The following ZER1 variants were observed in gnomAD, a reference collection of about 807,000 sequenced individuals.
ZER1 encodes the protein protein zer-1 homolog.
ZER1 carries 11 observed loss-of-function variants against 78.8 expected under a neutral mutation model. The observed-to-expected ratio is 0.14, with a 90% CI of 0.09 to 0.23. The LOEUF is 0.23. Ranked by LOEUF, ZER1 falls within the 10% of genes least tolerant of loss-of-function variation. ZER1 has a pLI of 1.00. For missense variants in ZER1, 588 were observed against 996.9 expected (o/e 0.59, Z 5.52); for synonymous variants, 400 against 407.0 (o/e 0.98, Z 0.21).
Position 128,750,646 on chromosome 9 carries a change from C to G in ZER1, c.1329G>C (p.Leu443=), listed in dbSNP as rs953655284. ...CCTCCTGGTAGGATTCCATGCCATT[C>G]AGCACCACCTGGATAACCTGCCGGC... is the stretch of plus-strand genomic sequence containing the variant. ...KLRRQVIQVV[L]NGMESYQEVT... The change falls in exon 8 of 16, where the codon CTG becomes CTC. Residue 443 remains leucine, a synonymous_variant. Transcript: ENST00000291900. 1.4e-5 allele frequency: 23 copies of G among 1,614,206 alleles called. No homozygotes were observed. The highest frequency in any genetic ancestry group is 3.3e-4 in the Middle Eastern group (2 of 6,062).
intron 1 of ZER1, among the ~76,000 whole-genome samples, chr9:128,769,294 A>G (rs1564414299): frequency 6.6e-6 from 1 of 152,208 alleles, no homozygotes; most frequent in Non-Finnish European, 1.5e-5. Context: ...TCATCATCAC[A>G]TCATCCTCAT....
At chr9:128,748,504 G>A (rs1863572549) in intron 8 of ZER1, among the ~76,000 whole-genome samples, 1 of 152,044 alleles carries the variant, frequency 6.6e-6, no homozygotes, top group South Asian at 2.1e-4. Flanking sequence ...CTGAGAGGTG[G>A]AGGCCACAGT....
At position 128,735,316 on chromosome 9, in the gene ZER1, G is replaced by C; in HGVS notation, c.2140+18C>G. On this transcript the variant is annotated intron_variant, in intron 14 of 15. Coordinates refer to ENST00000291900, the MANE Select transcript of ZER1 (RefSeq NM_006336.4). ...TCAGCTGGATGAGTGTCTGAACCCA[G>C]GACAAGTTGGCACTCACGGTAGACA... The C allele has an allele frequency of 6.2e-7, 1 of 1,607,934 alleles. No individual in the cohort carries two copies. Among genetic ancestry groups the C allele is most frequent in the African/African-American group, 1.3e-5 (1 of 74,816 alleles).
At chr9:128,731,500 G>A (rs941776116) in intron 15 of ZER1, 106 bp from the exon 16 acceptor site, 2 of 905,988 alleles carry the variant, frequency 2.2e-6, no homozygotes, top group African/African-American at 3.3e-5. Context: ...TCATAGTGAT[G>A]GTGATGCTGA....
rs747464280 is a variant in ZER1 at position 128,735,366 on chromosome 9, G to A, written c.2108C>T (p.Thr703Ile). The A allele has an allele frequency of 1.9e-6, 3 of 1,614,100 alleles. No homozygotes were observed. The highest frequency in any genetic ancestry group is 2.2e-5 in the East Asian group (1 of 44,878). ...AGACACGAGGTTATACAGGGCCCAG[G>A]TTGCCCAGTGCTGGCTGACAGGAGA... ...GISPVSQHWATWALYNLVSVY... is the reference protein window; with the variant it reads ...GISPVSQHWAIWALYNLVSVY... The change falls in exon 14 of 16, where the codon ACC (threonine) becomes ATC (isoleucine). Residue 703 changes from threonine to isoleucine, a missense_variant. Thr to Ile is a moderately conservative substitution (Grantham distance 89). This residue lies in a region of ZER1 where 122 missense variants were observed against 173.5 expected (regional missense o/e 0.70). Transcript: ENST00000291900.
At chr9:128,744,703 T>G (rs1863427260) in intron 8 of ZER1, among the ~76,000 whole-genome samples, 1 of 149,900 alleles carries the variant, frequency 6.7e-6, no homozygotes, top group Admixed American at 6.6e-5. Flanking sequence ...GGTCTGGAAC[T>G]CCTGACCTCA....
intron 11 of ZER1, 135 bp downstream of exon 11, chr9:128,741,400 G>C: frequency 7.4e-7 from 1 of 1,357,976 alleles, no homozygotes; most frequent in Non-Finnish European, 1.0e-6. Flanking sequence ...GGGTGGGCCT[G>C]AGTCTGTCCC....
chr9:128,738,472 G>T (rs958500431), intron 13 of ZER1, among the ~76,000 whole-genome samples: 3 of 148,126 alleles, frequency 2.0e-5, no homozygotes, highest in Non-Finnish European at 4.4e-5. Context: ...TGCAAGCTCC[G>T]CCTCCCAGGT....
chr9:128,753,257 G>A lies in ZER1; in HGVS notation c.653C>T (p.Thr218Ile), dbSNP rs1486467735. Residue 218 changes from threonine (T) to isoleucine (I), a missense_variant, in exon 4 of 16, where the codon ACC (threonine) becomes ATC (isoleucine). Thr to Ile is a moderately conservative substitution (Grantham distance 89). This residue lies in a region of ZER1 where 406 missense variants were observed against 660.1 expected (regional missense o/e 0.62). Coordinates refer to ENST00000291900, the MANE Select transcript of ZER1 (RefSeq NM_006336.4). The surrounding 1 kb of genome is among the most constrained non-coding windows in gnomAD (Gnocchi z 7.5). ...GGACACCAGGCTGTCTTTCCACTGG[G>A]TGAGGAAGGCGGCGTCGCTCGTCTG... Reference protein sequence around the residue: ...GIQTSDAAFLTQWKDSLVSLV... With the variant: ...GIQTSDAAFLIQWKDSLVSLV... The A allele has an allele frequency of 1.9e-6, 3 of 1,600,680 alleles. No individual in the cohort carries two copies. The highest frequency in any genetic ancestry group is 1.7e-5 in the Admixed American group (1 of 57,760).
chr9:128,766,589 T>C (rs779449067), intron 1 of ZER1, among the ~76,000 whole-genome samples: 8 of 151,992 alleles, frequency 5.3e-5, no homozygotes, highest in Non-Finnish European at 1.0e-4. Flanking sequence ...CCTACGCCTG[T>C]AATCCCAGCA....
rs1589532691 is a variant in ZER1, at chr9:128,751,342, A to G, written c.1038+71T>C. 4.3e-6 allele frequency: 7 copies of G among 1,610,368 alleles called. No homozygotes were observed. The East Asian group carries it at 1.3e-4, about 31-fold the overall frequency. On this transcript the variant is annotated intron_variant, in intron 6 of 15. Coordinates refer to ENST00000291900, the MANE Select transcript of ZER1 (RefSeq NM_006336.4). The surrounding 1 kb of genome is among the most constrained non-coding windows in gnomAD (Gnocchi z 5.4). ...GATGCCAGATCCCAGCTCAGTCTCC[A>G]GCCCCAGAATCCAGCTCCTTCTCTC...
In ZER1 at chr9:128,753,019, G is replaced by A; in HGVS notation, c.746+145C>T. On this transcript the variant is annotated intron_variant, in intron 4 of 15. Coordinates refer to ENST00000291900, the MANE Select transcript of ZER1 (RefSeq NM_006336.4). The surrounding 1 kb of genome is among the most constrained non-coding windows in gnomAD (Gnocchi z 7.5). The stretch of plus-strand genomic sequence containing the variant: ...AGCCCCAATCCAGCTGAAACACTGG[G>A]TTTAAGGAATGGGACTGTGTCTTCA... 2 of 1,204,300 alleles carry A rather than the reference G, an allele frequency of 1.7e-6. No individual in the cohort carries two copies. The highest frequency in any genetic ancestry group is 2.3e-6 in the Non-Finnish European group (2 of 878,898). The allele number at this position is 1,204,300 out of a possible 1,614,324, so 74.6% of individuals were successfully genotyped here. A position where few individuals can be genotyped will look rare whatever the true frequency, so the allele number is the denominator to read the frequency against.
chr9:128,745,199 G>GTTTTT (rs570009551), intron 8 of ZER1, among the ~76,000 whole-genome samples: 1 of 128,504 alleles, frequency 7.8e-6, no homozygotes, highest in African/African-American at 3.0e-5. Flanking sequence ...ATTTGTTTGG[G>GTTTTT]TTTTTTTTTT....
At chr9:128,743,317 T>C (rs1255874525) in intron 8 of ZER1, among the ~76,000 whole-genome samples, 2 of 152,172 alleles carry the variant, frequency 1.3e-5, no homozygotes, top group Non-Finnish European at 2.9e-5. Flanking sequence ...GGTTTCCCCA[T>C]GTTGGCCAGG....
chr9:128,765,051 C>T (rs550617718), intron 1 of ZER1, among the ~76,000 whole-genome samples: 53 of 152,328 alleles, frequency 3.5e-4, no homozygotes, highest in African/African-American at 1.3e-3. Flanking sequence ...TTTACTCCCT[C>T]GAGTCTCTTA....
intron 15 of ZER1, 133 bp downstream of exon 15, chr9:128,733,293 A>T (rs1467834997): frequency 3.0e-6 from 2 of 677,006 alleles, no homozygotes; most frequent in Non-Finnish European, 5.1e-6. Context: ...ACATCAATAC[A>T]CTGTCAACCT....
At chr9:128,745,718 A>G (rs1161651630) in intron 8 of ZER1, 1 of 152,118 alleles carries the variant, frequency 6.6e-6, no homozygotes, top group African/African-American at 2.4e-5. Context: ...TGGTGCCATC[A>G]TAGCTCACTG....
rs578043048 is a variant in ZER1, at chr9:128,736,844, T to TA, written c.2043-1414dup. On this transcript the variant is annotated intron_variant, in intron 13 of 15. Coordinates refer to ENST00000291900, the MANE Select transcript of ZER1 (RefSeq NM_006336.4). Reference sequence around the variant, plus strand: ...GTGTGAGCCACCATGCCTGGCTAATTAAAAAAAAATTTTTTTTGGCCAGGT... The same window carrying TA: ...GTGTGAGCCACCATGCCTGGCTAATTAAAAAAAAAATTTTTTTTGGCCAGGT... Among the ~76,000 whole-genome samples, 33 of 151,238 alleles carry TA rather than the reference T, an allele frequency of 2.2e-4. No homozygotes were observed. The South Asian group carries it at 7.0e-3, about 32-fold the overall frequency.
chr9:128,766,158 G>A (rs1198988123), intron 1 of ZER1, among the ~76,000 whole-genome samples: 1 of 151,990 alleles, frequency 6.6e-6, no homozygotes, highest in Non-Finnish European at 1.5e-5. Flanking sequence ...AGACCATCCT[G>A]GCCAACATGG....
Sources: allele counts gnomAD v4.1 joint callset (sites outside exome capture counted in the v4.1 genomes callset), GRCh38; gene constraint gnomAD v4.1.1; regional missense constraint gnomAD v4.1.1; non-coding constraint Gnocchi (gnomAD v3.1); transcripts MANE v1.5; gene names NCBI Gene and HGNC (gene_info 2026-07-23, HGNC 2026-07-21).